Variants in WDR41 observed in about 807,000 individuals in gnomAD.
WDR41 encodes WD repeat-containing protein 41.
Under a neutral mutation model 69.3 loss-of-function variants are expected in WDR41, and 63 were observed. The ratio of observed to expected loss-of-function variants is 0.91; its 90% CI spans 0.74 to 1.12. The LOEUF (loss-of-function observed/expected upper bound fraction) is 1.12. Among genes scored for constraint, WDR41 ranks in the 50% most tolerant of loss-of-function variants. WDR41 has a pLI of 0.00. For missense variants in WDR41, 543 were observed against 534.5 expected (o/e 1.02, Z -0.16); for synonymous variants, 185 against 192.1 (o/e 0.96, Z 0.31).
chr5:77,551,980 A>AAAAATAAAATAAAATAAAATAAAAT (rs57749416), intron 1 of WDR41, among the ~76,000 whole-genome samples: 3 of 93,494 alleles, frequency 3.2e-5, no homozygotes, highest in African/African-American at 4.4e-5. Flanking sequence ...CTCTGTCTCA[A>AAAAATAAAATAAAATAAAATAAAAT]AAAATAAAAT....
intron 1 of WDR41, among the ~76,000 whole-genome samples, chr5:77,527,602 C>T (rs1456419657): frequency 6.6e-6 from 1 of 151,704 alleles, no homozygotes; most frequent in African/African-American, 2.4e-5. Flanking sequence ...GAAACTTGAC[C>T]TGATTGATAT....
At chr5:77,500,667 A>G (rs1342484829) in intron 1 of WDR41, among the ~76,000 whole-genome samples, 1 of 152,202 alleles carries the variant, frequency 6.6e-6, no homozygotes. Flanking sequence ...AACCATTTAC[A>G]AAATTGAATT....
intron 2 of WDR41, among the ~76,000 whole-genome samples, chr5:77,488,133 C>G (rs1257260667): frequency 1.3e-5 from 2 of 152,176 alleles, no homozygotes; most frequent in Non-Finnish European, 2.9e-5. Flanking sequence ...GAACTTGTAG[C>G]CAGCAGCTGG....
chr5:77,491,239 CT>C (rs1364281115), intron 1 of WDR41: 4 of 372,882 alleles, frequency 1.1e-5, no homozygotes, highest in African/African-American at 6.5e-5. Flanking sequence ...AAAAGCTCCC[CT>C]GAGCACCTTG....
At chr5:77,434,675 C>A (rs1037092697) in intron 12 of WDR41, among the ~76,000 whole-genome samples, 2 of 151,646 alleles carry the variant, frequency 1.3e-5, no homozygotes, top group African/African-American at 4.8e-5. Context: ...CCAGCCTGGG[C>A]AACAGAGTGA....
chr5:77,438,668 C>T (rs1211044508), intron 9 of WDR41, among the ~76,000 whole-genome samples: 1 of 152,164 alleles, frequency 6.6e-6, no homozygotes, highest in African/African-American at 2.4e-5. Context: ...CAGCCTGGCC[C>T]TGCAGTGGAA....
chr5:77,507,926 C>T (rs1327041570), intron 1 of WDR41, among the ~76,000 whole-genome samples: 1 of 152,014 alleles, frequency 6.6e-6, no homozygotes, highest in Non-Finnish European at 1.5e-5. Context: ...GAGGTTCTGT[C>T]CGGTTTTCTT....
At chr5:77,473,426 A>C (rs755529971) in intron 2 of WDR41, among the ~76,000 whole-genome samples, 37 of 152,340 alleles carry the variant, frequency 2.4e-4, no homozygotes, top group Admixed American at 5.9e-4. Flanking sequence ...ATGGCTACAA[A>C]AGCCAAAATT....
At chr5:77,457,351 A>G (rs1799876286) in intron 5 of WDR41, among the ~76,000 whole-genome samples, 1 of 152,156 alleles carries the variant, frequency 6.6e-6, no homozygotes, top group Non-Finnish European at 1.5e-5. Context: ...ACATTTTACC[A>G]CTAGCATTTT....
chr5:77,557,874 T>C (rs1043561889), intron 1 of WDR41, among the ~76,000 whole-genome samples: 6 of 152,104 alleles, frequency 3.9e-5, no homozygotes, highest in African/African-American at 1.4e-4. Flanking sequence ...AAGTAATGAC[T>C]TATAGTAGAA....
chr5:77,514,907 A>C (rs1460761766), intron 1 of WDR41, among the ~76,000 whole-genome samples: 1 of 152,206 alleles, frequency 6.6e-6, no homozygotes, highest in Non-Finnish European at 1.5e-5. Context: ...ACTTGTATAG[A>C]GCACTTACCA....
At position 77,437,439 on chromosome 5, in the gene WDR41, A is replaced by G. The variant is rs1473778980; in HGVS notation, c.1005-15T>C. 3 of 1,609,530 alleles carry G rather than the reference A, an allele frequency of 1.9e-6. No individual in the cohort carries two copies. Among genetic ancestry groups the G allele is most frequent in the Non-Finnish European group, 2.6e-6 (3 of 1,176,366 alleles). ...AGATTAACTGCCTGTCAGAACAGAA[A>G]ATCAGTAATACAAAAAGAGCGCACC... is the stretch of plus-strand genomic sequence containing the variant. On this transcript the variant is annotated splice_polypyrimidine_tract_variant and intron_variant, in intron 10 of 12. Transcript: ENST00000296679.
chr5:77,494,898 AG>A (rs1801915306), upstream of WDR41, among the ~76,000 whole-genome samples: 5 of 152,174 alleles, frequency 3.3e-5, no homozygotes, highest in Admixed American at 3.3e-4. Flanking sequence ...ACCATATGTT[AG>A]GCCACAAAAT....
intron 1 of WDR41, among the ~76,000 whole-genome samples, chr5:77,517,838 G>A (rs1802313426): frequency 6.6e-6 from 1 of 151,892 alleles, no homozygotes; most frequent in Admixed American, 6.6e-5. Context: ...ATAATAAGAA[G>A]AAACGAACAT....
At chr5:77,484,407 T>C (rs760607214) in intron 2 of WDR41, among the ~76,000 whole-genome samples, 2 of 152,170 alleles carry the variant, frequency 1.3e-5, no homozygotes, top group Non-Finnish European at 2.9e-5. Flanking sequence ...TAGGGGCCTT[T>C]AGAAATAGAA....
rs534059522 is a variant in WDR41, at chr5:77,470,572, G to A, written c.168-5763C>T. 3.4e-4 allele frequency among the ~76,000 whole-genome samples: 52 copies of A among 151,714 alleles called. No homozygotes were observed. In the South Asian group the frequency reaches 5.6e-3, roughly 16 times the overall value. ...AGACACACATAGGCTCAAAATAAAG[G>A]GATAGAGGAAGATCTACCAAGCAAA... On this transcript the variant is annotated intron_variant, in intron 2 of 12. Coordinates refer to ENST00000296679, the MANE Select transcript of WDR41 (RefSeq NM_018268.4).
chr5:77,444,160 G>GT (rs34879437), intron 8 of WDR41, among the ~76,000 whole-genome samples: 17,379 of 152,084 alleles, frequency 0.11, 1,216 homozygotes, highest in South Asian at 0.17. Flanking sequence ...GATTACAGGC[G>GT]TGAGTCACTG....
chr5:77,462,091 A>G (rs1394983332), intron 4 of WDR41, among the ~76,000 whole-genome samples: 3 of 151,806 alleles, frequency 2.0e-5, no homozygotes, highest in Non-Finnish European at 2.9e-5. Flanking sequence ...GTGTGACTCT[A>G]TTTTTTTCAT....
Position 77,578,411 on chromosome 5 carries a change from T to A in WDR41, c.42+42068A>T, listed in dbSNP as rs146367190. Reference sequence around the variant, plus strand: ...GTATCCATAGTACTACATATGTTATTTAAAATGTCCATTTTCCAAGTAAAA... The same window carrying A: ...GTATCCATAGTACTACATATGTTATATAAAATGTCCATTTTCCAAGTAAAA... On this transcript the variant is annotated intron_variant, in intron 1 of 5. Transcript: ENST00000509971. Among the ~76,000 whole-genome samples, 172 of 152,252 alleles carry A rather than the reference T, an allele frequency of 1.1e-3. 3 individuals carry two copies. The East Asian group carries it at 0.029, about 26-fold the overall frequency.
Sources: allele counts gnomAD v4.1 joint callset (sites outside exome capture counted in the v4.1 genomes callset), GRCh38; gene constraint gnomAD v4.1.1; transcripts MANE v1.5; gene names NCBI Gene and HGNC (gene_info 2026-07-23, HGNC 2026-07-21).